Variants in DPP4 observed in about 807,000 individuals in gnomAD.
The protein encoded by DPP4 is ADCP-2.
Under a neutral mutation model 122.4 loss-of-function variants are expected in DPP4, and 93 were observed. The ratio of observed to expected loss-of-function variants is 0.76; its 90% CI spans 0.64 to 0.90. DPP4 has a LOEUF of 0.90. Ranked by LOEUF, DPP4 falls within the 40% of genes least tolerant of loss-of-function variation. DPP4 has a pLI of 0.00. For missense variants in DPP4, 914 were observed against 907.3 expected, an observed-to-expected ratio of 1.01 and a Z score of -0.09; for synonymous variants, 321 against 302.9, an observed-to-expected ratio of 1.06 and a Z score of -0.62.
chr2:162,006,315 T>A (rs887919675), intron 22 of DPP4, among the ~76,000 whole-genome samples: 4 of 152,218 alleles, frequency 2.6e-5, no homozygotes, highest in Non-Finnish European at 4.4e-5. Context: ...TGATCATCTA[T>A]TTCCTTTTGG....
chr2:161,993,445 A>T (rs1289034130), intron 25 of DPP4, 61 bp from the exon 26 acceptor site: 16 of 1,148,248 alleles, frequency 1.4e-5, no homozygotes, highest in Middle Eastern at 2.0e-4. Flanking sequence ...AAAAAAAAAA[A>T]TACGTAAATT....
At chr2:162,070,929 G>GA (rs1462608501) in intron 2 of DPP4, among the ~76,000 whole-genome samples, 2 of 152,084 alleles carry the variant, frequency 1.3e-5, no homozygotes, top group African/African-American at 4.8e-5. Flanking sequence ...TGTCCAAGAG[G>GA]TATCCTTAGC....
intron 9 of DPP4, among the ~76,000 whole-genome samples, chr2:162,034,056 C>T (rs928930103): frequency 6.6e-6 from 1 of 151,766 alleles, no homozygotes; most frequent in African/African-American, 2.4e-5. Context: ...GTCTTTGATG[C>T]CTGTCAGTAT....
rs1700961597 is a variant in DPP4 at position 161,994,946 on chromosome 2, A to G, written c.2199+15T>C. The G allele has an allele frequency of 2.5e-6, 4 of 1,613,766 alleles. No individual in the cohort carries two copies. The African/African-American group carries it at 5.3e-5, about 22-fold the overall frequency. ...ACCAGCAACTTCCCTCCCCTTGCAC[A>G]AAGTTTTTCTATACCATTGCCTGGA... On this transcript the variant is annotated intron_variant, in intron 25 of 25. Coordinates refer to ENST00000360534, the MANE Select transcript of DPP4 (RefSeq NM_001935.4).
chr2:162,014,328 T>A lies in DPP4; in HGVS notation c.1637+68A>T, dbSNP rs959484866. On this transcript the variant is annotated intron_variant, in intron 19 of 25. Transcript: ENST00000360534. ...GGACGCATTTGGCTCCATTTTTCAGTAAGCTGCACTGAGAAAAATATATAT... is the reference window on the plus strand; with the variant it reads ...GGACGCATTTGGCTCCATTTTTCAGAAAGCTGCACTGAGAAAAATATATAT... 16 of 1,318,778 alleles carry A rather than the reference T, an allele frequency of 1.2e-5. No homozygotes were observed. In the Admixed American group the frequency reaches 2.9e-4, roughly 24 times the overall value. 81.7% of individuals were successfully genotyped at this position (1,318,778 alleles called of 1,614,324 possible).
chr2:162,005,897 T>C (rs1273843882), intron 22 of DPP4, 88 bp from the exon 23 acceptor site: 2 of 982,014 alleles, frequency 2.0e-6, no homozygotes, highest in Non-Finnish European at 3.1e-6. Context: ...TGTTTCCATA[T>C]GTATTCACTC....
At chr2:162,013,356 T>C (rs1032165475) in intron 19 of DPP4, among the ~76,000 whole-genome samples, 2 of 152,158 alleles carry the variant, frequency 1.3e-5, no homozygotes, top group Non-Finnish European at 2.9e-5. Context: ...ATTGACTTCA[T>C]TTGTTACAAT....
intron 19 of DPP4, among the ~76,000 whole-genome samples, chr2:162,013,186 T>C (rs915931194): frequency 1.3e-5 from 2 of 151,384 alleles, no homozygotes; most frequent in Middle Eastern, 3.5e-3. Flanking sequence ...GGAAAATAAC[T>C]GAACAGAAAT....
rs1182238864 is a variant in DPP4 at position 161,995,369 on chromosome 2, A to C, written c.2056T>G (p.Ser686Ala). 1 of 1,613,056 alleles carries C rather than the reference A, an allele frequency of 6.2e-7. No homozygotes were observed. Among genetic ancestry groups the C allele is most frequent in the Non-Finnish European group, 8.5e-7 (1 of 1,179,094 alleles). Residue 686 changes from serine (S) to alanine (A), a missense_variant, in exon 24 of 26, where the codon TCA becomes GCA. By Grantham distance (99) the Ser-to-Ala change is moderately conservative. Coordinates refer to ENST00000360534, the MANE Select transcript of DPP4 (RefSeq NM_001935.4). ...TTTTCAGCTCTGCTCATGACTGTTGAATTCTGGAATTGGGAGAAAGAATGT... is the reference window on the plus strand; with the variant it reads ...TTTTCAGCTCTGCTCATGACTGTTGCATTCTGGAATTGGGAGAAAGAATGT... ...PEDNLDHYRN[S>A]TVMSRAENFK... is the part of the protein sequence containing the mutation.
chr2:162,072,648 G>C (rs895935571), intron 2 of DPP4, among the ~76,000 whole-genome samples: 2 of 152,162 alleles, frequency 1.3e-5, no homozygotes, highest in Non-Finnish European at 2.9e-5. Context: ...GTAAGGCCAG[G>C]GGAGACTGAA....
chr2:162,044,701 C>T (rs1334967348), intron 5 of DPP4, among the ~76,000 whole-genome samples: 4 of 152,120 alleles, frequency 2.6e-5, no homozygotes, highest in Non-Finnish European at 5.9e-5. Flanking sequence ...TTATGGCCAC[C>T]CATATCCATC....
At chr2:162,041,079 T>C in intron 5 of DPP4, among the ~76,000 whole-genome samples, 1 of 151,792 alleles carries the variant, frequency 6.6e-6, no homozygotes. Flanking sequence ...CAGAGTTATA[T>C]GAACAAGAAG....
At chr2:162,009,150 C>A in intron 21 of DPP4, 91 bp downstream of exon 21, 1 of 1,339,160 alleles carries the variant, frequency 7.5e-7, no homozygotes, top group East Asian at 2.3e-5. Context: ...GTGATTTTCA[C>A]CTCCAAATAT....
chr2:162,044,796 G>T (rs1222595443), intron 5 of DPP4, among the ~76,000 whole-genome samples: 1 of 152,100 alleles, frequency 6.6e-6, no homozygotes, highest in East Asian at 1.9e-4. Context: ...ACTGGGGAAA[G>T]CTGAGTGCTC....
intron 10 of DPP4, among the ~76,000 whole-genome samples, chr2:162,026,862 G>A (rs1476529438): frequency 6.6e-6 from 1 of 152,170 alleles, no homozygotes; most frequent in Non-Finnish European, 1.5e-5. Flanking sequence ...TCTGAAATTA[G>A]TTTTTTAGAC....
At chr2:162,045,824 C>A (rs570122259) in intron 4 of DPP4, among the ~76,000 whole-genome samples, 1 of 152,234 alleles carries the variant, frequency 6.6e-6, no homozygotes, top group African/African-American at 2.4e-5. Flanking sequence ...AGGATTAATC[C>A]TAAGAGGAAA....
chr2:162,046,298 T>C (rs907673388), intron 4 of DPP4, among the ~76,000 whole-genome samples: 4 of 152,120 alleles, frequency 2.6e-5, no homozygotes, highest in African/African-American at 9.7e-5. Context: ...AACTGAGAGA[T>C]ACCTGACATG....
In DPP4 at chr2:161,999,782, G is replaced by C. The variant is rs574115482; in HGVS notation, c.2053-4410C>G. On this transcript the variant is annotated intron_variant, in intron 23 of 25. Coordinates refer to ENST00000360534, the MANE Select transcript of DPP4 (RefSeq NM_001935.4). ...TTTAAACTACCCCTAGTGCCATCTAGGAACCATAAGGACAATTTGCTTCCT... is the reference window on the plus strand; with the variant it reads ...TTTAAACTACCCCTAGTGCCATCTACGAACCATAAGGACAATTTGCTTCCT... Among the ~76,000 whole-genome samples the C allele has an allele frequency of 1.5e-4, 23 of 152,288 alleles. No homozygotes were observed. The South Asian group carries it at 4.8e-3, about 32-fold the overall frequency.
intron 2 of DPP4, among the ~76,000 whole-genome samples, chr2:162,063,928 G>A (rs1027570628): frequency 5.9e-5 from 9 of 152,132 alleles, no homozygotes; most frequent in African/African-American, 2.2e-4. Flanking sequence ...CATGCAAGGG[G>A]ACAGCTGGAG....
Sources: gnomAD v4.1 joint callset for allele counts (sites outside exome capture counted in the v4.1 genomes callset) on GRCh38, gnomAD v4.1.1 for gene constraint, MANE v1.5 for transcripts, NCBI Gene and HGNC (gene_info 2026-07-23, HGNC 2026-07-21) for gene names.